MAP4: variants seen among roughly 807,000 people sequenced by gnomAD.
MAP4 encodes the protein microtubule associated protein 4.
Under a neutral mutation model 170.2 loss-of-function variants are expected in MAP4, and 76 were observed. The observed-to-expected ratio is 0.45, with a 90% confidence interval of 0.37 to 0.54. The LOEUF (loss-of-function observed/expected upper bound fraction) is 0.54. Among genes scored for constraint, MAP4 ranks in the 20% least tolerant of loss-of-function variants. The pLI, the probability that MAP4 is intolerant of heterozygous loss-of-function variation, is 0.00. For missense variants in MAP4, 2,506 were observed against 2,748.0 expected, an observed-to-expected ratio of 0.91 and a Z score of 1.97; for synonymous variants, 909 against 994.5, an observed-to-expected ratio of 0.91 and a Z score of 1.62.
At chr3:47,974,012 C>A (rs1202473110) in intron 3 of MAP4, 2 of 985,362 alleles carry the variant, frequency 2.0e-6, no homozygotes, top group African/African-American at 3.5e-5. Flanking sequence ...TGTGACCAGA[C>A]CCCTGTAGAA....
At chr3:48,034,381 A>C (rs550080276) in intron 1 of MAP4, among the ~76,000 whole-genome samples, 141 of 152,208 alleles carry the variant, frequency 9.3e-4, no homozygotes, top group African/African-American at 3.2e-3. Flanking sequence ...CATAAGGAAA[A>C]AACAGCTCAC....
intron 17 of MAP4, among the ~76,000 whole-genome samples, chr3:47,861,408 A>C (rs1188971475): frequency 6.9e-6 from 1 of 145,524 alleles, no homozygotes; most frequent in Non-Finnish European, 1.5e-5. Flanking sequence ...GCTGGAGTCC[A>C]ATGGCATGAT....
At chr3:47,868,312 G>C (rs2151829003) in intron 16 of MAP4, among the ~76,000 whole-genome samples, 1 of 152,326 alleles carries the variant, frequency 6.6e-6, no homozygotes, top group Middle Eastern at 3.4e-3. Flanking sequence ...CAGAAATCCT[G>C]AGAAACTCCA....
At chr3:47,861,491 T>A (rs888850384) in intron 17 of MAP4, among the ~76,000 whole-genome samples, 1 of 151,776 alleles carries the variant, frequency 6.6e-6, no homozygotes, top group African/African-American at 2.4e-5. Context: ...TAGCTGGGAT[T>A]ATAGGCACGC....
At chr3:48,052,876 T>C (rs1239732303) in intron 1 of MAP4, among the ~76,000 whole-genome samples, 1 of 152,194 alleles carries the variant, frequency 6.6e-6, no homozygotes, top group Non-Finnish European at 1.5e-5. Flanking sequence ...TGGAAAAATA[T>C]GGAAACTGAT....
intron 2 of MAP4, among the ~76,000 whole-genome samples, chr3:47,980,355 G>A (rs541165410): frequency 8.5e-5 from 13 of 152,104 alleles, no homozygotes; most frequent in Admixed American, 3.3e-4. Flanking sequence ...CTTGCTGACC[G>A]AAGAATTCAG....
chr3:48,048,974 T>C (rs75409906), intron 1 of MAP4, among the ~76,000 whole-genome samples: 209 of 152,332 alleles, frequency 1.4e-3, no homozygotes, highest in African/African-American at 4.7e-3. Flanking sequence ...ATTCTTCATC[T>C]TTACAGTTTT....
intron 10 of MAP4, among the ~76,000 whole-genome samples, chr3:47,879,468 G>T (rs1386954282): frequency 6.6e-6 from 1 of 152,138 alleles, no homozygotes; most frequent in African/African-American, 2.4e-5. Context: ...AAGTTGCAAA[G>T]AAATACATAG....
At chr3:47,999,941 G>A (rs1213807839) in intron 1 of MAP4, among the ~76,000 whole-genome samples, 2 of 151,618 alleles carry the variant, frequency 1.3e-5, no homozygotes, top group African/African-American at 2.4e-5. Context: ...GGGGCCAGGT[G>A]CAGTGGCTCA....
chr3:47,958,581 A>G (rs2100069277), intron 3 of MAP4, among the ~76,000 whole-genome samples: 1 of 151,830 alleles, frequency 6.6e-6, no homozygotes, highest in African/African-American at 2.4e-5. Context: ...CAGTGGTGCG[A>G]TCTTGACTCA....
At chr3:48,049,209 T>C (rs2100126222) in intron 1 of MAP4, among the ~76,000 whole-genome samples, 1 of 152,268 alleles carries the variant, frequency 6.6e-6, no homozygotes, top group African/African-American at 2.4e-5. Flanking sequence ...TTTTGCTGTT[T>C]TGAATAAGTC....
intron 9 of MAP4, among the ~76,000 whole-genome samples, chr3:47,907,612 G>A (rs2100033844): frequency 6.6e-6 from 1 of 152,144 alleles, no homozygotes; most frequent in Admixed American, 6.5e-5. Context: ...TACTGGTCTT[G>A]CTTCCTCAAG....
chr3:48,024,598 A>G (rs1246082413), intron 1 of MAP4, among the ~76,000 whole-genome samples: 1 of 152,216 alleles, frequency 6.6e-6, no homozygotes, highest in Non-Finnish European at 1.5e-5. Context: ...AGATGGAAGG[A>G]GTTGAAATTC....
At chr3:47,905,542 C>T (rs1304899506) in intron 9 of MAP4, among the ~76,000 whole-genome samples, 1 of 144,074 alleles carries the variant, frequency 6.9e-6, no homozygotes, top group Non-Finnish European at 1.5e-5. Context: ...ACAACAACAA[C>T]AACAAAAAAA....
At chr3:47,918,096 C>T (rs2100040745) in intron 6 of MAP4, among the ~76,000 whole-genome samples, 2 of 152,078 alleles carry the variant, frequency 1.3e-5, no homozygotes, top group South Asian at 4.1e-4. Context: ...GATTCTCCTG[C>T]CTCAGCCTCC....
intron 2 of MAP4, among the ~76,000 whole-genome samples, chr3:47,996,969 A>G (rs1175216235): frequency 1.3e-5 from 2 of 152,144 alleles, no homozygotes; most frequent in Admixed American, 6.6e-5. Context: ...AAAAAATGCT[A>G]AAGTAGATAA....
chr3:48,059,688 ATTTTGGGAGG>A (rs2100134156), intron 1 of MAP4, among the ~76,000 whole-genome samples: 1 of 151,706 alleles, frequency 6.6e-6, no homozygotes, highest in Non-Finnish European at 1.5e-5. Flanking sequence ...TAATCCTAGC[ATTTTGGGAGG>A]CTGAAGCGGG....
chr3:47,899,682 CT>C (rs747593218), intron 10 of MAP4, among the ~76,000 whole-genome samples: 2 of 152,228 alleles, frequency 1.3e-5, no homozygotes, highest in African/African-American at 2.4e-5. Context: ...CAAAAAAGAT[CT>C]GCTCAGTGAA....
At chr3:47,853,649 A>C (rs1415227044) in intron 19 of MAP4, among the ~76,000 whole-genome samples, 1 of 152,222 alleles carries the variant, frequency 6.6e-6, no homozygotes, top group East Asian at 1.9e-4. Context: ...GCCAGGCCTC[A>C]GGCTGGTACC....
Sources: gnomAD v4.1 joint callset for allele counts (sites outside exome capture counted in the v4.1 genomes callset) on GRCh38, gnomAD v4.1.1 for gene constraint, MANE v1.5 for transcripts, NCBI Gene and HGNC (gene_info 2026-07-23, HGNC 2026-07-21) for gene names.